CD47: variants seen among roughly 807,000 people sequenced by gnomAD.
The protein encoded by CD47 is CD47 molecule.
In CD47, 11 loss-of-function variants were observed where a neutral mutation model predicts 44.6. The observed-to-expected ratio is 0.25, with a 90% CI of 0.16 to 0.41. The LOEUF is 0.41. Ranked by LOEUF, CD47 falls within the 10% of genes least tolerant of loss-of-function variation. The probability of loss-of-function intolerance (pLI) is 1.00; values close to 1 mark genes in which losing one functional copy is unlikely to be tolerated. For synonymous variants in CD47, 140 were observed against 136.3 expected (o/e 1.03, Z -0.19); for missense variants, 306 against 386.7 (o/e 0.79, Z 1.75).
At chr3:108,081,559 T>C (rs1313619567) in intron 1 of CD47, among the ~76,000 whole-genome samples, 1 of 151,964 alleles carries the variant, frequency 6.6e-6, no homozygotes, top group East Asian at 1.9e-4. Flanking sequence ...GGAATATAGG[T>C]ACTGGACAAT....
intron 3 of CD47, among the ~76,000 whole-genome samples, chr3:108,069,159 C>A (rs892902912): frequency 2.6e-5 from 4 of 152,104 alleles, no homozygotes; most frequent in Non-Finnish European, 4.4e-5. Flanking sequence ...AACATTTTGC[C>A]AGTATGTATC....
intron 1 of CD47, among the ~76,000 whole-genome samples, chr3:108,082,280 GT>G (rs1184712474): frequency 6.6e-6 from 1 of 151,940 alleles, no homozygotes; most frequent in Non-Finnish European, 1.5e-5. Flanking sequence ...AGTTTCATAA[GT>G]TGTAGAAAAC....
In CD47 at chr3:108,091,022, C is replaced by A. The variant is rs2079630671; in HGVS notation, c.-114G>T. 1.6e-6 allele frequency: 1 copy of A among 638,908 alleles called. No homozygotes were observed. The highest frequency in any genetic ancestry group is 1.9e-5 in the African/African-American group (1 of 51,812). The allele number at this position is 638,908 out of a possible 1,614,324, so 39.6% of individuals were successfully genotyped here. A position where few individuals can be genotyped will look rare whatever the true frequency, so the allele number is the denominator to read the frequency against. On this transcript the variant is annotated 5_prime_UTR_variant, in exon 1 of 11. Coordinates refer to ENST00000361309, the MANE Select transcript of CD47 (RefSeq NM_001777.4). ...CGCGCGTCACAGGCAGGACCCACTG[C>A]CCAGGCTGCACGGCCGCGCGCACGC...
In CD47 at chr3:108,059,546, T is replaced by C. The variant is rs371157120; in HGVS notation, c.599-2A>G. 1 of 1,367,966 alleles carries C rather than the reference T, an allele frequency of 7.3e-7. No homozygotes were observed. The highest frequency in any genetic ancestry group is 1.0e-6 in the Non-Finnish European group (1 of 1,000,276). 84.7% of individuals were successfully genotyped at this position (1,367,966 alleles called of 1,614,324 possible). A position where few individuals can be genotyped will look rare whatever the true frequency, so the allele number is the denominator to read the frequency against. ...TAGCATTCTTTAATGAATATTCACC[T>C]GTCAATAAATAAAAACATTTAAAAT... On this transcript the variant is annotated splice_acceptor_variant, in intron 4 of 10. Transcript: ENST00000361309. LOFTEE classifies it high-confidence loss of function.
intron 7 of CD47, among the ~76,000 whole-genome samples, chr3:108,056,052 T>C (rs185800414): frequency 7.9e-5 from 12 of 152,346 alleles, no homozygotes; most frequent in African/African-American, 2.4e-4. Context: ...CAGAGTTGTA[T>C]GGATACTGCA....
chr3:108,079,567 TAAAAAAAAAAAAAAAAAAA>T (rs71629342), intron 2 of CD47, among the ~76,000 whole-genome samples: 1 of 53,102 alleles, frequency 1.9e-5, no homozygotes, highest in Non-Finnish European at 3.1e-5. Flanking sequence ...AGTGTAAGGT[TAAAAAAAAAAAAAAAAAAA>T]AAAAAAAAAC....
intron 2 of CD47, among the ~76,000 whole-genome samples, chr3:108,072,034 T>G (rs2079213869): frequency 1.3e-5 from 2 of 152,214 alleles, no homozygotes; most frequent in Admixed American, 1.3e-4. Context: ...ATATCCTATA[T>G]AAAGGAAATT....
chr3:108,062,795 C>A (rs1015173571), intron 3 of CD47, among the ~76,000 whole-genome samples: 2 of 151,480 alleles, frequency 1.3e-5, no homozygotes, highest in African/African-American at 4.8e-5. Flanking sequence ...GCATGCGCCA[C>A]CAGGCCTGGC....
At chr3:108,052,611 A>C (rs1179119657) in intron 7 of CD47, 1 of 152,294 alleles carries the variant, frequency 6.6e-6, no homozygotes, top group Non-Finnish European at 1.5e-5. Context: ...GAAAGGGAAA[A>C]AGAATACCCT....
chr3:108,089,995 C>T (rs1194826718), intron 1 of CD47, among the ~76,000 whole-genome samples: 1 of 70,864 alleles, frequency 1.4e-5, no homozygotes, highest in Non-Finnish European at 2.5e-5. Flanking sequence ...ATTCCAAAAG[C>T]TCGGGGTGGG....
At chr3:108,050,704 G>T in intron 8 of CD47, 102 bp from the exon 9 acceptor site, 1 of 515,094 alleles carries the variant, frequency 1.9e-6, no homozygotes, top group Non-Finnish European at 3.5e-6. Context: ...GTAGTAAGCA[G>T]TAAATCCTAC....
At chr3:108,073,456 A>T (rs1407410325) in intron 2 of CD47, among the ~76,000 whole-genome samples, 2 of 152,106 alleles carry the variant, frequency 1.3e-5, no homozygotes, top group Admixed American at 1.3e-4. Flanking sequence ...GAGTGGGAGA[A>T]GCTGAGGCAG....
intron 2 of CD47, 22 bp downstream of exon 2, chr3:108,079,969 G>T: frequency 6.6e-7 from 1 of 1,525,392 alleles, no homozygotes; most frequent in Non-Finnish European, 9.0e-7. Flanking sequence ...AATAAAAAAA[G>T]AAGCTTTCAT....
At position 108,090,881 on chromosome 3, in the gene CD47, G is replaced by C; in HGVS notation, c.28C>G (p.Leu10Val). 1.3e-6 allele frequency: 2 copies of C among 1,491,956 alleles called. No homozygotes were observed. The highest frequency in any genetic ancestry group is 1.8e-6 in the Non-Finnish European group (2 of 1,126,774). The allele number at this position is 1,491,956 out of a possible 1,614,324, so 92.4% of individuals were successfully genotyped here. The stretch of plus-strand genomic sequence containing the variant: ...CACTCACCGCAGCACGCCGAGCCCA[G>C]CAACAGCGCCGCTACCAGGGGCCAC... MWPLVAALL[L>V]GSACCGSAQL... Residue 10 changes from leucine (L) to valine (V), a missense_variant, in exon 1 of 11, where the codon CTG becomes GTG. Physicochemically the swap from Leu to Val is conservative, Grantham distance 32. Transcript: ENST00000361309.
intron 10 of CD47, among the ~76,000 whole-genome samples, chr3:108,048,044 G>A (rs2108216255): frequency 6.6e-6 from 1 of 151,402 alleles, no homozygotes; most frequent in East Asian, 1.9e-4. Flanking sequence ...CCAAGGAAAA[G>A]GAAAGGACAT....
intron 3 of CD47, among the ~76,000 whole-genome samples, chr3:108,066,208 C>A (rs574932837): frequency 6.6e-6 from 1 of 151,650 alleles, no homozygotes; most frequent in East Asian, 1.9e-4. Context: ...TGAGCCGTAA[C>A]CAAAATCTCT....
chr3:108,071,521 T>A (rs773382811), intron 2 of CD47, among the ~76,000 whole-genome samples: 2 of 152,232 alleles, frequency 1.3e-5, no homozygotes, highest in Admixed American at 6.5e-5. Context: ...CTTAACACTC[T>A]ATGGAACCGT....
intron 3 of CD47, among the ~76,000 whole-genome samples, chr3:108,068,078 C>T (rs1040177032): frequency 5.3e-5 from 8 of 152,020 alleles, no homozygotes; most frequent in Admixed American, 5.2e-4. Flanking sequence ...AAAAGTTAAG[C>T]AGAACTAGAA....
At chr3:108,073,972 G>A (rs756671429) in intron 2 of CD47, among the ~76,000 whole-genome samples, 1 of 152,176 alleles carries the variant, frequency 6.6e-6, no homozygotes, top group African/African-American at 2.4e-5. Flanking sequence ...TAAAAGAACA[G>A]AGATTTTCAT....
Sources: allele counts gnomAD v4.1 joint callset (sites outside exome capture counted in the v4.1 genomes callset), GRCh38; gene constraint gnomAD v4.1.1; transcripts MANE v1.5; gene names NCBI Gene and HGNC (gene_info 2026-07-23, HGNC 2026-07-21).